Variants in ATP7B observed in about 807,000 individuals in gnomAD.
ATP7B encodes the protein ATPase copper transporting beta.
In ATP7B, 113 loss-of-function variants were observed where a neutral mutation model predicts 118.9. The observed-to-expected ratio is 0.95, with a 90% CI of 0.82 to 1.11. ATP7B has a LOEUF of 1.11. Among genes scored for constraint, ATP7B ranks in the 50% most tolerant of loss-of-function variants. The pLI is 0.00. For synonymous variants in ATP7B, 777 were observed against 727.4 expected (o/e 1.07, Z -1.10); for missense variants, 1,867 against 1,871.4 (o/e 1.00, Z 0.04).
At chr13:51,949,978 G>C in intron 11 of ATP7B, 29 bp downstream of exon 11, 1 of 1,614,102 alleles carries the variant, frequency 6.2e-7, no homozygotes, top group Admixed American at 1.7e-5. Flanking sequence ...CGAGAAAGAT[G>C]AAGTTAGTTT....
At chr13:52,010,706 G>GT (rs761404556) in intron 1 of ATP7B, among the ~76,000 whole-genome samples, 21 of 152,174 alleles carry the variant, frequency 1.4e-4, no homozygotes, top group Non-Finnish European at 2.8e-4. Context: ...GTTAACCACT[G>GT]TATCAACTCA....
chr13:51,937,239 G>C (rs770033354), intron 19 of ATP7B, 37 bp downstream of exon 19: 1 of 1,588,300 alleles, frequency 6.3e-7, no homozygotes, highest in Non-Finnish European at 8.6e-7. Context: ...AAGCCTTTCT[G>C]GGCGCAGCTG....
chr13:51,948,198 T>A (rs752283813), intron 12 of ATP7B, among the ~76,000 whole-genome samples: 2 of 152,160 alleles, frequency 1.3e-5, no homozygotes, highest in East Asian at 3.8e-4. Context: ...CTGAGAATAT[T>A]TGATATACTT....
chr13:51,937,629 G>T lies in ATP7B; in HGVS notation c.3750C>A (p.Ala1250=). The T allele has an allele frequency of 1.2e-6, 2 of 1,614,238 alleles. No homozygotes were observed. The highest frequency in any genetic ancestry group is 1.7e-6 in the Non-Finnish European group (2 of 1,180,050). ...FAEVLPSHKV[A]KVQELQNKGK... Reference sequence around the variant, plus strand: ...CTTTATTCTGGAGCTCCTGGACCTTGGCCACCTTGTGCGAAGGCAGCACCT... The same window carrying T: ...CTTTATTCTGGAGCTCCTGGACCTTTGCCACCTTGTGCGAAGGCAGCACCT... Residue 1250 remains alanine (A), a synonymous_variant, in exon 18 of 21, where the codon GCC becomes GCA. Coordinates refer to ENST00000242839, the MANE Select transcript of ATP7B (RefSeq NM_000053.4).
chr13:52,004,380 A>T (rs1256485818), intron 1 of ATP7B, among the ~76,000 whole-genome samples: 2 of 152,244 alleles, frequency 1.3e-5, no homozygotes, highest in Non-Finnish European at 2.9e-5. Context: ...AGGAAGATGG[A>T]GTTGCATCCT....
chr13:51,987,763 T>C (rs1377422776), intron 1 of ATP7B, among the ~76,000 whole-genome samples: 5 of 151,992 alleles, frequency 3.3e-5, no homozygotes, highest in African/African-American at 1.2e-4. Flanking sequence ...ACACCACACA[T>C]CTACAACCAT....
chr13:51,980,027 T>C (rs1308803952), intron 1 of ATP7B, among the ~76,000 whole-genome samples: 1 of 152,236 alleles, frequency 6.6e-6, no homozygotes, highest in East Asian at 1.9e-4. Context: ...TGGATAGTTT[T>C]AAGTGTAGAC....
intron 1 of ATP7B, among the ~76,000 whole-genome samples, chr13:51,998,867 T>C (rs1245758897): frequency 6.6e-6 from 1 of 152,150 alleles, no homozygotes; most frequent in Non-Finnish European, 1.5e-5. Context: ...TCACAAACAT[T>C]ACCTGCTCAG....
intron 1 of ATP7B, among the ~76,000 whole-genome samples, chr13:51,990,212 A>C (rs986024188): frequency 1.3e-5 from 2 of 152,046 alleles, no homozygotes; most frequent in African/African-American, 4.8e-5. Context: ...TGTTTGTAGA[A>C]AGCTAAATTT....
chr13:51,993,962 A>C (rs989150940), intron 1 of ATP7B, among the ~76,000 whole-genome samples: 1 of 152,172 alleles, frequency 6.6e-6, no homozygotes, highest in Non-Finnish European at 1.5e-5. Context: ...CTAGTCACAG[A>C]TTGGTGCTGG....
At chr13:51,995,654 T>G (rs1953170004) in intron 1 of ATP7B, among the ~76,000 whole-genome samples, 1 of 152,124 alleles carries the variant, frequency 6.6e-6, no homozygotes, top group African/African-American at 2.4e-5. Flanking sequence ...TCCTCCTAAT[T>G]AGCAAGGGGA....
intron 1 of ATP7B, among the ~76,000 whole-genome samples, chr13:51,982,683 G>A (rs1282837016): frequency 3.3e-5 from 5 of 152,112 alleles, no homozygotes; most frequent in African/African-American, 9.7e-5. Context: ...CGAGATCAAC[G>A]CAGAAGGAGG....
chr13:51,945,865 A>AG (rs1957615244), intron 13 of ATP7B, among the ~76,000 whole-genome samples: 1 of 151,392 alleles, frequency 6.6e-6, no homozygotes, highest in African/African-American at 2.4e-5. Context: ...CTCACTCTTC[A>AG]CTCCCCAGGG....
chr13:52,002,863 T>A (rs1277538521), intron 1 of ATP7B, among the ~76,000 whole-genome samples: 1 of 152,182 alleles, frequency 6.6e-6, no homozygotes. Context: ...AAAATACATA[T>A]ACTTTAATTT....
chr13:51,968,427 G>A lies in ATP7B; in HGVS notation c.1707+17C>T, dbSNP rs199571857. 1.9e-5 allele frequency: 31 copies of A among 1,614,000 alleles called. No individual in the cohort carries two copies. The Admixed American group carries it at 2.7e-4, about 14-fold the overall frequency. On this transcript the variant is annotated intron_variant, in intron 4 of 20. Transcript: ENST00000242839. ...TGTCAGAAGCCTGTAACCCCGTAAC[G>A]CACCCACAGTACTTACTGTCAGCTC...
chr13:51,948,624 T>C (rs1408742690), intron 12 of ATP7B, among the ~76,000 whole-genome samples: 1 of 152,182 alleles, frequency 6.6e-6, no homozygotes, highest in African/African-American at 2.4e-5. Flanking sequence ...GTGATGTGCC[T>C]TGCAGGATGT....
At position 51,961,926 on chromosome 13, in the gene ATP7B, A is replaced by C. The variant is rs377468260; in HGVS notation, c.1870-13T>G. Reference sequence around the variant, plus strand: ...GAAAGCCAATTTCCTTGTCATTAAAAAGAGAGGGGTGGGGAAAAAGGAGGA... The same window carrying C: ...GAAAGCCAATTTCCTTGTCATTAAACAGAGAGGGGTGGGGAAAAAGGAGGA... On this transcript the variant is annotated splice_polypyrimidine_tract_variant and intron_variant, in intron 5 of 20. Transcript: ENST00000242839. The C allele has an allele frequency of 1.4e-5, 23 of 1,608,900 alleles. No individual in the cohort carries two copies. The highest frequency in any genetic ancestry group is 2.0e-5 in the Non-Finnish European group (23 of 1,175,370).
At chr13:51,985,373 T>C (rs1398964828) in intron 1 of ATP7B, among the ~76,000 whole-genome samples, 3 of 152,220 alleles carry the variant, frequency 2.0e-5, no homozygotes, top group Admixed American at 2.0e-4. Flanking sequence ...CTAACTATCC[T>C]AAATATATAT....
intron 1 of ATP7B, among the ~76,000 whole-genome samples, chr13:51,982,915 C>G (rs755248326): frequency 1.7e-4 from 26 of 152,220 alleles, no homozygotes; most frequent in Non-Finnish European, 2.8e-4. Context: ...TCTTCACAAC[C>G]CACAGACCAG....
Sources: allele counts gnomAD v4.1 joint callset (sites outside exome capture counted in the v4.1 genomes callset), GRCh38; gene constraint gnomAD v4.1.1; transcripts MANE v1.5; gene names NCBI Gene and HGNC (gene_info 2026-07-23, HGNC 2026-07-21).